LIPJ: variants seen among roughly 807,000 people sequenced by gnomAD.
The protein encoded by LIPJ is lipase family member J.
LIPJ carries 33 observed loss-of-function variants against 39.8 expected under a neutral mutation model. The ratio of observed to expected loss-of-function variants is 0.83; its 90% CI spans 0.63 to 1.11. LIPJ has a LOEUF of 1.11. LIPJ is among the 50% of genes least tolerant of loss of function. The probability of loss-of-function intolerance (pLI) is 0.00; values close to 1 mark genes in which losing one functional copy is unlikely to be tolerated. For synonymous variants in LIPJ, 128 were observed against 139.2 expected (o/e 0.92, Z 0.57); for missense variants, 422 against 427.9 (o/e 0.99, Z 0.12).
chr10:88,607,041 C>T (rs1851691627), downstream of LIPJ: 2 of 928,508 alleles, frequency 2.2e-6, no homozygotes, highest in South Asian at 7.8e-5. Flanking sequence ...TCTCATTGAC[C>T]TTAGGCCCTC....
At chr10:88,590,608 C>G in exon 3 of LIPJ, 1 of 1,144,902 alleles carries the variant, frequency 8.7e-7, no homozygotes, top group Non-Finnish European at 1.3e-6. Context: ...TATCTTTTCA[C>G]AATGATGTAT....
At chr10:88,590,657 A>G (rs201069104) in exon 3 of LIPJ, 18 of 1,567,638 alleles carry the variant, frequency 1.1e-5, no homozygotes, top group African/African-American at 4.1e-5. Context: ...GTGTCTTTCA[A>G]AATTAAAGAT....
At chr10:88,598,433 A>C (rs959703659) in intron 8 of LIPJ, among the ~76,000 whole-genome samples, 9 of 152,062 alleles carry the variant, frequency 5.9e-5, no homozygotes, top group African/African-American at 2.2e-4. Context: ...GTATCATCAA[A>C]CAACCAAAGT....
exon 8 of LIPJ, chr10:88,596,869 T>C (rs775696053): frequency 1.3e-6 from 2 of 1,598,358 alleles, no homozygotes; most frequent in Admixed American, 3.4e-5. Context: ...CCACTACAGA[T>C]TTTTGATAAG....
chr10:88,613,760 A>ATG, the LIPJ span, among the ~76,000 whole-genome samples: 165 of 68,498 alleles, frequency 2.4e-3, 1 homozygote, highest in East Asian at 5.1e-3. Context: ...ATATATATAT[A>ATG]TGTGTGTGTG....
At chr10:88,620,876 G>A in the LIPJ span, among the ~76,000 whole-genome samples, 1 of 152,160 alleles carries the variant, frequency 6.6e-6, no homozygotes, top group South Asian at 2.1e-4. Context: ...CAAGATTCAG[G>A]CACTGGCAGA....
upstream of LIPJ, chr10:88,586,730 C>T (rs955414594): frequency 7.9e-5 from 12 of 152,058 alleles, no homozygotes; most frequent in South Asian, 6.2e-4. Context: ...AACGCAGTTT[C>T]CCTGGCAACT....
rs748581866 is a variant in LIPJ, at chr10:88,591,504, A to G, written c.130+6A>G. The G allele has an allele frequency of 1.9e-6, 3 of 1,593,968 alleles. No homozygotes were observed. The highest frequency in any genetic ancestry group is 1.7e-5 in the Admixed American group (1 of 57,400). The stretch of plus-strand genomic sequence containing the variant: ...AGACAATAATAAAAATCTAGGTAAT[A>G]TTCAATTGAAGATGGATTGGTGACA... On this transcript the variant is annotated splice_donor_region_variant and intron_variant, in intron 4 of 10. Transcript: ENST00000371939.
In LIPJ at chr10:88,596,789, G is replaced by A; in HGVS notation, c.577-1G>A. 2 of 1,597,848 alleles carry A rather than the reference G, an allele frequency of 1.3e-6. No individual in the cohort carries two copies. The highest frequency in any genetic ancestry group is 1.7e-6 in the Non-Finnish European group (2 of 1,172,768). On this transcript the variant is annotated splice_acceptor_variant, in intron 7 of 10. Coordinates refer to ENST00000371939, the Ensembl canonical transcript of LIPJ. LOFTEE classifies it high-confidence loss of function. Reference sequence around the variant, plus strand: ...GTGGATAAAATAAATTTATTTTACAGGCTTTTTCAGGCAACAAAGACTTCT... The same window carrying A: ...GTGGATAAAATAAATTTATTTTACAAGCTTTTTCAGGCAACAAAGACTTCT...
chr10:88,584,947 G>C (rs1483100634), upstream of LIPJ, among the ~76,000 whole-genome samples: 1 of 152,116 alleles, frequency 6.6e-6, no homozygotes, highest in East Asian at 1.9e-4. Flanking sequence ...TATGTCAAAA[G>C]CCTTAAAAAT....
At chr10:88,622,964 A>G in the LIPJ span, among the ~76,000 whole-genome samples, 1 of 152,196 alleles carries the variant, frequency 6.6e-6, no homozygotes, top group African/African-American at 2.4e-5. Context: ...TTATGTAAAT[A>G]TGTAGCTTTG....
chr10:88,599,412 C>T (rs1297570814), intron 8 of LIPJ, among the ~76,000 whole-genome samples: 1 of 151,868 alleles, frequency 6.6e-6, no homozygotes, highest in Non-Finnish European at 1.5e-5. Flanking sequence ...CCACCATGTC[C>T]CCATTTTTCC....
At chr10:88,613,800 A>ATATATATATATATATG in the LIPJ span, among the ~76,000 whole-genome samples, 118 of 74,134 alleles carry the variant, frequency 1.6e-3, no homozygotes, top group Non-Finnish European at 2.4e-3. Flanking sequence ...ATATATATAT[A>ATATATATATATATATG]TGTGTGTGTG....
chr10:88,596,690 G>A (rs1851264397), intron 7 of LIPJ, 100 bp from the exon 8 acceptor site: 1 of 1,132,452 alleles, frequency 8.8e-7, no homozygotes, highest in African/African-American at 1.6e-5. Context: ...AAACTACTGT[G>A]AGATAATTTA....
intron 10 of LIPJ, 88 bp from the exon 11 acceptor site, chr10:88,606,586 T>C: frequency 2.7e-6 from 2 of 748,344 alleles, no homozygotes; most frequent in South Asian, 1.9e-5. Context: ...AAAACAGTAT[T>C]TAAACTCATC....
upstream of LIPJ, chr10:88,583,529 G>A (rs1850787810): frequency 8.7e-7 from 1 of 1,152,350 alleles, no homozygotes; most frequent in African/African-American, 1.6e-5. Flanking sequence ...CAGAGCTGAC[G>A]TTGACCACAG....
intron 3 of LIPJ, among the ~76,000 whole-genome samples, chr10:88,591,026 TG>T (rs1564930986): frequency 6.6e-6 from 1 of 151,862 alleles, no homozygotes; most frequent in Non-Finnish European, 1.5e-5. Flanking sequence ...CAAACATTTA[TG>T]GATGCATGTA....
the LIPJ span, among the ~76,000 whole-genome samples, chr10:88,616,307 T>TA: frequency 6.6e-6 from 1 of 152,180 alleles, no homozygotes; most frequent in Admixed American, 6.5e-5. Flanking sequence ...TGAAGGCACT[T>TA]CACCTATCTC....
At chr10:88,616,641 A>G in the LIPJ span, among the ~76,000 whole-genome samples, 1 of 152,214 alleles carries the variant, frequency 6.6e-6, no homozygotes, top group Admixed American at 6.5e-5. Context: ...CCACCAATAA[A>G]GACCAGGCCT....
Sources: allele counts gnomAD v4.1 joint callset (sites outside exome capture counted in the v4.1 genomes callset), GRCh38; gene constraint gnomAD v4.1.1; transcripts MANE v1.5; gene names NCBI Gene and HGNC (gene_info 2026-07-23, HGNC 2026-07-21).